The following ADCY9 variants were observed in gnomAD, a reference collection of about 807,000 sequenced individuals.
The protein encoded by ADCY9 is adenylate cyclase 9, also known as adenylate cyclase type 9.
Under a neutral mutation model 101.5 loss-of-function variants are expected in ADCY9, and 50 were observed. That is an observed-to-expected ratio of 0.49 (90% CI 0.39 to 0.62). The LOEUF (loss-of-function observed/expected upper bound fraction) is 0.62. ADCY9 is among the 20% of genes least tolerant of loss of function. The probability of loss-of-function intolerance (pLI) is 0.00; values close to 1 mark genes in which losing one functional copy is unlikely to be tolerated. For missense variants in ADCY9, 1,662 were observed against 1,800.4 expected, an observed-to-expected ratio of 0.92 and a Z score of 1.39; for synonymous variants, 905 against 769.3, an observed-to-expected ratio of 1.18 and a Z score of -2.92.
intron 2 of ADCY9, among the ~76,000 whole-genome samples, chr16:4,091,486 T>A (rs569754010): frequency 1.4e-4 from 21 of 152,158 alleles, no homozygotes; most frequent in African/African-American, 5.1e-4. Context: ...AGAAAACAGA[T>A]ACTCAAACAA....
intron 2 of ADCY9, among the ~76,000 whole-genome samples, chr16:4,028,083 A>G (rs906226595): frequency 4.6e-5 from 7 of 152,094 alleles, no homozygotes; most frequent in African/African-American, 1.7e-4. Flanking sequence ...AACCCTTGGG[A>G]AAGATTTTTG....
intron 6 of ADCY9, among the ~76,000 whole-genome samples, 200 bp downstream of exon 6, chr16:3,988,794 A>C (rs1010316381): frequency 6.6e-6 from 1 of 152,210 alleles, no homozygotes; most frequent in African/African-American, 2.4e-5. Flanking sequence ...TTTAAGACAA[A>C]GGACTAAAGA....
rs71394630 is a variant in ADCY9 at position 3,956,657 on chromosome 16, ATT to A, written c.568-3143_568-3142del. On this transcript the variant is annotated intron_variant, in intron 5 of 5. Coordinates refer to the ADCY9 transcript ENST00000576936. Reference sequence around the variant, plus strand: ...AGGTGCATGCCACCACACCTGGCTAATTTTTTTTTTTTTTTCTAGTAGAAGCT... The same window carrying A: ...AGGTGCATGCCACCACACCTGGCTAATTTTTTTTTTTTTCTAGTAGAAGCT... Among the ~76,000 whole-genome samples the A allele has an allele frequency of 1.5e-3, 215 of 139,684 alleles. 1 individual carries two copies. The highest frequency in any genetic ancestry group is 5.1e-3 in the African/African-American group (193 of 37,626). 91.6% of individuals were successfully genotyped at this position (139,684 alleles called of 152,430 possible).
At chr16:3,969,071 G>T (rs1467667325) in intron 10 of ADCY9, among the ~76,000 whole-genome samples, 1 of 151,792 alleles carries the variant, frequency 6.6e-6, no homozygotes, top group African/African-American at 2.4e-5. Flanking sequence ...TGATCCACCC[G>T]CCTCGGCCTC....
At chr16:4,074,827 C>T (rs1403648036) in intron 2 of ADCY9, among the ~76,000 whole-genome samples, 1 of 151,682 alleles carries the variant, frequency 6.6e-6, no homozygotes. Flanking sequence ...ATAGACAATT[C>T]AAAAGGTTGT....
intron 10 of ADCY9, among the ~76,000 whole-genome samples, chr16:3,973,395 C>G (rs553882842): frequency 1.3e-5 from 2 of 152,006 alleles, no homozygotes; most frequent in African/African-American, 4.8e-5. Flanking sequence ...TTAGTAGAGA[C>G]GGGGTTTTGC....
chr16:3,998,498 C>T (rs1467484107), intron 3 of ADCY9, among the ~76,000 whole-genome samples: 1 of 151,698 alleles, frequency 6.6e-6, no homozygotes, highest in African/African-American at 2.4e-5. Context: ...ATCACAAGGT[C>T]AGGAGATTGA....
chr16:3,990,789 T>G (rs957876264), intron 5 of ADCY9, among the ~76,000 whole-genome samples: 1 of 152,322 alleles, frequency 6.6e-6, no homozygotes, highest in South Asian at 2.1e-4. Flanking sequence ...TTAGCTGTGC[T>G]GCTCCATTTA....
At chr16:4,060,762 A>G (rs1483357302) in intron 2 of ADCY9, among the ~76,000 whole-genome samples, 1 of 152,238 alleles carries the variant, frequency 6.6e-6, no homozygotes, top group Non-Finnish European at 1.5e-5. Context: ...CATAATCCAG[A>G]GTTGCTACAA....
At chr16:3,981,213 T>C (rs1466732790) in intron 7 of ADCY9, among the ~76,000 whole-genome samples, 1 of 152,218 alleles carries the variant, frequency 6.6e-6, no homozygotes, top group African/African-American at 2.4e-5. Context: ...GGAGTATGTC[T>C]GTGCAGGCAG....
chr16:3,959,123 G>T (rs2055924349), downstream of ADCY9, among the ~76,000 whole-genome samples: 1 of 152,122 alleles, frequency 6.6e-6, no homozygotes, highest in African/African-American at 2.4e-5. Context: ...CACTTTGGGA[G>T]GCTGAGGTGG....
At chr16:4,065,480 G>A (rs2056795528) in intron 2 of ADCY9, among the ~76,000 whole-genome samples, 1 of 152,208 alleles carries the variant, frequency 6.6e-6, no homozygotes. Flanking sequence ...CATGTTGCCA[G>A]AAGGGCAGGT....
chr16:4,079,870 TC>T (rs1416020260), intron 2 of ADCY9, among the ~76,000 whole-genome samples: 3 of 152,136 alleles, frequency 2.0e-5, no homozygotes, highest in Non-Finnish European at 4.4e-5. Context: ...TTTTTAATCT[TC>T]TTTTTGCTTA....
chr16:3,954,237 T>A (rs1013269904), intron 5 of ADCY9, among the ~76,000 whole-genome samples: 1 of 152,150 alleles, frequency 6.6e-6, no homozygotes, highest in African/African-American at 2.4e-5. Context: ...GAGCTGAGCT[T>A]TGCAGACACT....
intron 2 of ADCY9, among the ~76,000 whole-genome samples, chr16:4,013,259 G>GGAA (rs1555509064): frequency 6.7e-6 from 1 of 149,250 alleles, no homozygotes; most frequent in Non-Finnish European, 1.5e-5. Context: ...AAAAAAAAAA[G>GGAA]AAAAAGAAAA....
At chr16:3,980,347 CA>C (rs2056130666) in intron 7 of ADCY9, among the ~76,000 whole-genome samples, 1 of 152,188 alleles carries the variant, frequency 6.6e-6, no homozygotes, top group African/African-American at 2.4e-5. Context: ...GGAGGAGGAA[CA>C]GGTCTTGGCT....
chr16:4,035,759 G>C (rs1279886664), intron 2 of ADCY9, among the ~76,000 whole-genome samples: 1 of 152,048 alleles, frequency 6.6e-6, no homozygotes, highest in African/African-American at 2.4e-5. Context: ...AGCACTTTGG[G>C]ATGCCGAGGC....
intron 2 of ADCY9, among the ~76,000 whole-genome samples, chr16:4,022,641 A>T (rs2056485856): frequency 1.3e-5 from 2 of 151,778 alleles, no homozygotes; most frequent in Non-Finnish European, 2.9e-5. Context: ...TTAAAAGGAG[A>T]AAATAGGCCA....
At chr16:3,953,526 A>C (rs185122583) in intron 5 of ADCY9, 5 of 152,274 alleles carry the variant, frequency 3.3e-5, no homozygotes, top group Admixed American at 2.6e-4. Context: ...TCTGGAAAAG[A>C]GAAGATGGGA....
Sources: gnomAD v4.1 joint callset for allele counts (sites outside exome capture counted in the v4.1 genomes callset) on GRCh38, gnomAD v4.1.1 for gene constraint, MANE v1.5 for transcripts, NCBI Gene and HGNC (gene_info 2026-07-23, HGNC 2026-07-21) for gene names.